The following FOXP1 variants were observed in gnomAD, a reference collection of about 807,000 sequenced individuals.
FOXP1 encodes the protein forkhead box P1.
FOXP1 carries 15 observed loss-of-function variants against 98.2 expected under a neutral mutation model. The ratio of observed to expected loss-of-function variants is 0.15; its 90% CI spans 0.10 to 0.24. The LOEUF is 0.24. FOXP1 is among the 10% of genes least tolerant of loss of function. The pLI is 1.00. For missense variants in FOXP1, 633 were observed against 848.5 expected, an observed-to-expected ratio of 0.75 and a Z score of 3.15; for synonymous variants, 371 against 314.5, an observed-to-expected ratio of 1.18 and a Z score of -1.90.
At chr3:71,186,041 ATC>A (rs980818640) in intron 6 of FOXP1, among the ~76,000 whole-genome samples, 8 of 152,240 alleles carry the variant, frequency 5.3e-5, no homozygotes, top group African/African-American at 1.9e-4. Flanking sequence ...TTTTCATGTT[ATC>A]TGTTTATGTC....
intron 4 of FOXP1, among the ~76,000 whole-genome samples, chr3:71,338,113 T>G (rs1220692320): frequency 6.6e-6 from 1 of 152,200 alleles, no homozygotes; most frequent in Non-Finnish European, 1.5e-5. Context: ...ATAAAATGTT[T>G]CTAAGCAGGA....
intron 3 of FOXP1, among the ~76,000 whole-genome samples, chr3:71,364,472 A>G (rs1043681871): frequency 3.3e-5 from 5 of 152,182 alleles, no homozygotes; most frequent in Admixed American, 3.3e-4. Context: ...AATAAAACCA[A>G]ATGCCACAGA....
intron 3 of FOXP1, among the ~76,000 whole-genome samples, chr3:71,430,458 G>C (rs2084604891): frequency 6.6e-6 from 1 of 151,734 alleles, no homozygotes; most frequent in Non-Finnish European, 1.5e-5. Context: ...TTGAATCTTG[G>C]GTTTTGATGC....
rs968527103 is a variant in FOXP1, at chr3:70,958,622, T to C, written c.*625A>G. On this transcript the variant is annotated 3_prime_UTR_variant, in exon 21 of 21. Transcript: ENST00000649528. ...CCTGAGGTCAGAACTTAAAATGGTA[T>C]AGTAGAAGGAAAAAAAAAAAAAAAA... 2.7e-5 allele frequency: 5 copies of C among 183,746 alleles called. No homozygotes were observed. In the Admixed American group the frequency reaches 3.4e-4, roughly 12 times the overall value. The allele number at this position is 183,746 out of a possible 1,614,324, so 11.4% of individuals were successfully genotyped here.
chr3:71,087,791 T>C (rs533043461), intron 7 of FOXP1, among the ~76,000 whole-genome samples: 1 of 152,332 alleles, frequency 6.6e-6, no homozygotes, highest in South Asian at 2.1e-4. Flanking sequence ...CTAAGGTGTC[T>C]AAGCAAGATG....
At chr3:71,142,378 A>G (rs2060113214) in intron 6 of FOXP1, among the ~76,000 whole-genome samples, 1 of 152,160 alleles carries the variant, frequency 6.6e-6, no homozygotes, top group African/African-American at 2.4e-5. Flanking sequence ...TGTGGATGTA[A>G]TTAAGGTCCC....
chr3:71,124,882 C>A (rs556487897), intron 6 of FOXP1, among the ~76,000 whole-genome samples: 60 of 152,328 alleles, frequency 3.9e-4, no homozygotes, highest in Non-Finnish European at 6.8e-4. Context: ...CATTGGTCGT[C>A]CTCTTTACAG....
chr3:71,213,564 C>A (rs2064671079), intron 5 of FOXP1, among the ~76,000 whole-genome samples: 1 of 152,190 alleles, frequency 6.6e-6, no homozygotes, highest in Admixed American at 6.5e-5. Flanking sequence ...CGCCTGTAAT[C>A]CCAGCACTTT....
At chr3:71,317,596 T>C (rs1372340649) in intron 4 of FOXP1, among the ~76,000 whole-genome samples, 1 of 152,228 alleles carries the variant, frequency 6.6e-6, no homozygotes, top group Non-Finnish European at 1.5e-5. Flanking sequence ...CTTAGTACAG[T>C]ATGCCTGAAT....
At chr3:71,169,783 C>CAA (rs34872916) in intron 6 of FOXP1, among the ~76,000 whole-genome samples, 5 of 82,944 alleles carry the variant, frequency 6.0e-5, no homozygotes, top group African/African-American at 1.4e-4. Context: ...AAATTACTGG[C>CAA]AAAAAAAAAA....
intron 6 of FOXP1, among the ~76,000 whole-genome samples, chr3:71,181,402 C>T (rs1009357421): frequency 1.6e-4 from 24 of 152,188 alleles, no homozygotes; most frequent in Non-Finnish European, 4.4e-5. Flanking sequence ...TTCATCACAT[C>T]GACCCTCTCA....
chr3:70,955,202 A>G lies in FOXP1; in HGVS notation c.*4045T>C, dbSNP rs2031479494. ...AGCTGGAATATGGAAAAGAGAGGAA[A>G]TATTTTTTAACTCTATTTTTTTTCA... On this transcript the variant is annotated 3_prime_UTR_variant, in exon 21 of 21. Coordinates refer to ENST00000649528, the MANE Select transcript of FOXP1 (RefSeq NM_001349338.3). The G allele has an allele frequency of 1.3e-5, 3 of 232,392 alleles. No individual in the cohort carries two copies. Among genetic ancestry groups the G allele is most frequent in the South Asian group, 3.6e-4 (2 of 5,522 alleles). The allele number at this position is 232,392 out of a possible 1,614,324, so 14.4% of individuals were successfully genotyped here. A position where few individuals can be genotyped will look rare whatever the true frequency, so the allele number is the denominator to read the frequency against.
At chr3:71,150,940 A>T (rs976485982) in intron 6 of FOXP1, among the ~76,000 whole-genome samples, 1 of 152,168 alleles carries the variant, frequency 6.6e-6, no homozygotes, top group Non-Finnish European at 1.5e-5. Context: ...CCTAGATTGT[A>T]AGATATTTGG....
At chr3:71,241,134 C>T (rs920587280) in intron 5 of FOXP1, among the ~76,000 whole-genome samples, 6 of 151,630 alleles carry the variant, frequency 4.0e-5, no homozygotes, top group African/African-American at 1.5e-4. Flanking sequence ...AGCTTGAACC[C>T]GGGAGGCGGA....
chr3:71,133,024 C>T (rs2059647985), intron 6 of FOXP1, among the ~76,000 whole-genome samples: 1 of 150,646 alleles, frequency 6.6e-6, no homozygotes, highest in Non-Finnish European at 1.5e-5. Flanking sequence ...TCAACACTTA[C>T]TCCAAACATC....
chr3:71,084,392 C>A (rs1354347103), intron 7 of FOXP1, among the ~76,000 whole-genome samples: 1 of 151,626 alleles, frequency 6.6e-6, no homozygotes, highest in East Asian at 1.9e-4. Context: ...TACAATGATT[C>A]ACTGATTCCT....
At position 71,515,478 on chromosome 3, in the gene FOXP1, G is replaced by A. The variant is rs572374257; in HGVS notation, c.-297-21923C>T. 1.5e-3 allele frequency among the ~76,000 whole-genome samples: 220 copies of A among 144,816 alleles called. 3 individuals carry two copies. The highest frequency in any genetic ancestry group is 8.8e-4 in the South Asian group (4 of 4,536). ...ACTGCACATTTATACAGCTGAGCTCGCCGCAAGTCATTGGAATCACGCTTG... is the reference window on the plus strand; with the variant it reads ...ACTGCACATTTATACAGCTGAGCTCACCGCAAGTCATTGGAATCACGCTTG... On this transcript the variant is annotated intron_variant, in intron 2 of 20. Coordinates refer to ENST00000649528, the MANE Select transcript of FOXP1 (RefSeq NM_001349338.3).
chr3:71,232,384 G>A (rs1345497467), intron 5 of FOXP1, among the ~76,000 whole-genome samples: 3 of 152,198 alleles, frequency 2.0e-5, no homozygotes, highest in Admixed American at 1.3e-4. Flanking sequence ...TATGAGAACT[G>A]ACAGAGAGGA....
intron 2 of FOXP1, among the ~76,000 whole-genome samples, chr3:71,542,520 G>A (rs915881076): frequency 6.6e-6 from 1 of 152,258 alleles, no homozygotes; most frequent in Admixed American, 6.5e-5. Flanking sequence ...AGGCACTTGA[G>A]TGCATTCCCG....
Sources: allele counts gnomAD v4.1 joint callset (sites outside exome capture counted in the v4.1 genomes callset), GRCh38; gene constraint gnomAD v4.1.1; transcripts MANE v1.5; gene names NCBI Gene and HGNC (gene_info 2026-07-23, HGNC 2026-07-21).